Variants in ZC3H3 observed in about 807,000 individuals in gnomAD.
The protein encoded by ZC3H3 is zinc finger CCCH domain-containing protein 3.
In ZC3H3, 36 loss-of-function variants were observed where a neutral mutation model predicts 77.3. The observed-to-expected ratio is 0.47, with a 90% CI of 0.36 to 0.61. The LOEUF (loss-of-function observed/expected upper bound fraction) is 0.61, where lower values mean the gene tolerates loss of function less well. Ranked by LOEUF, ZC3H3 falls within the 20% of genes least tolerant of loss-of-function variation. The probability of loss-of-function intolerance (pLI) is 0.00; values close to 1 mark genes in which losing one functional copy is unlikely to be tolerated. For synonymous variants in ZC3H3, 626 were observed against 555.2 expected (o/e 1.13, Z -1.79); for missense variants, 1,331 against 1,312.2 (o/e 1.01, Z -0.22).
intron 3 of ZC3H3, among the ~76,000 whole-genome samples, chr8:143,516,914 G>A (rs1308062672): frequency 6.6e-6 from 1 of 152,238 alleles, no homozygotes; most frequent in African/African-American, 2.4e-5. Flanking sequence ...GCAGTCTGAG[G>A]AGTTTGGGCA....
At chr8:143,500,940 G>A (rs1266952177) in intron 4 of ZC3H3, among the ~76,000 whole-genome samples, 1 of 148,316 alleles carries the variant, frequency 6.7e-6, no homozygotes, top group Non-Finnish European at 1.5e-5. Context: ...AGCCTCCCAA[G>A]TAACTGAGAT....
chr8:143,477,539 G>A (rs1305794044), intron 4 of ZC3H3, among the ~76,000 whole-genome samples: 5 of 152,322 alleles, frequency 3.3e-5, no homozygotes, highest in Admixed American at 2.0e-4. Context: ...GGTGCCTGCA[G>A]GCCCAGCAGG....
chr8:143,500,048 A>G (rs684925), intron 4 of ZC3H3, among the ~76,000 whole-genome samples: 4,211 of 152,028 alleles, frequency 0.028, 179 homozygotes, highest in African/African-American at 0.096. Context: ...CCTCTCTGCA[A>G]ACACTCCAAA....
At chr8:143,465,927 C>T (rs1030945106) in intron 8 of ZC3H3, 79 bp from the exon 9 acceptor site, 18 of 1,506,712 alleles carry the variant, frequency 1.2e-5, no homozygotes, top group Admixed American at 4.2e-5. Context: ...GACCCTCCTA[C>T]GGCCCCGCCC....
chr8:143,538,768 C>T lies in ZC3H3; in HGVS notation c.599G>A (p.Arg200Lys), dbSNP rs1822900260. 6.2e-7 allele frequency: 1 copy of T among 1,611,876 alleles called. No homozygotes were observed. Among genetic ancestry groups the T allele is most frequent in the Non-Finnish European group, 8.5e-7 (1 of 1,179,848 alleles). The change falls in exon 2 of 12, where the codon AGG (arginine) becomes AAG (lysine). Residue 200 changes from arginine (R) to lysine (K), a missense_variant. Arg to Lys is a conservative substitution (Grantham distance 26). Around this residue, in one of 3 missense-constraint regions of ZC3H3, gnomAD observed 978 missense variants for 915.5 expected, o/e 1.07. Transcript: ENST00000262577. The part of the protein sequence containing the change: ...LVCQKEPGKP[R>K]MVKSVGSVGD... The stretch of plus-strand genomic sequence containing the variant: ...CACACTGCCCACTGACTTCACCATC[C>T]TGGGCTTACCAGGCTCCTTCTGGCA...
chr8:143,527,387 A>G (rs10103541), intron 3 of ZC3H3, among the ~76,000 whole-genome samples: 77,668 of 151,936 alleles, frequency 0.51, 20,115 homozygotes, highest in East Asian at 0.68. Flanking sequence ...CTACGGTGGT[A>G]TGAGTTCTGG....
chr8:143,471,910 G>A (rs565909940), intron 5 of ZC3H3, among the ~76,000 whole-genome samples: 8 of 152,352 alleles, frequency 5.3e-5, no homozygotes, highest in South Asian at 4.1e-4. Flanking sequence ...TCCTCATGGC[G>A]AGGCGGGGCC....
At chr8:143,455,760 G>A (rs771748708) in intron 9 of ZC3H3, among the ~76,000 whole-genome samples, 2 of 151,880 alleles carry the variant, frequency 1.3e-5, no homozygotes, top group Non-Finnish European at 2.9e-5. Flanking sequence ...ATCATTTGAG[G>A]TCAGGAGTTC....
At chr8:143,472,325 G>A (rs1261218498) in intron 5 of ZC3H3, among the ~76,000 whole-genome samples, 6 of 152,254 alleles carry the variant, frequency 3.9e-5, no homozygotes, top group South Asian at 2.1e-4. Context: ...AAGGGTGGCC[G>A]GGATAGACTG....
At chr8:143,489,885 G>C (rs1402353652) in intron 4 of ZC3H3, among the ~76,000 whole-genome samples, 1 of 152,116 alleles carries the variant, frequency 6.6e-6, no homozygotes, top group East Asian at 1.9e-4. Context: ...GGGGCAGCGG[G>C]ACCCTTGCTG....
intron 4 of ZC3H3, among the ~76,000 whole-genome samples, chr8:143,495,480 G>A (rs1821321269): frequency 6.6e-6 from 1 of 152,244 alleles, no homozygotes; most frequent in Non-Finnish European, 1.5e-5. Flanking sequence ...AGCTGGGGCT[G>A]CCTCTGGGGA....
At chr8:143,444,043 C>T (rs1019515180) in intron 9 of ZC3H3, among the ~76,000 whole-genome samples, 18 of 150,630 alleles carry the variant, frequency 1.2e-4, no homozygotes, top group Non-Finnish European at 2.2e-4. Flanking sequence ...GGCACGATCT[C>T]GGCTCACTGC....
At chr8:143,444,366 C>A (rs1040933027) in intron 9 of ZC3H3, among the ~76,000 whole-genome samples, 2 of 152,136 alleles carry the variant, frequency 1.3e-5, no homozygotes, top group African/African-American at 4.8e-5. Context: ...CACTACTCAG[C>A]TTATGGGGCC....
At chr8:143,441,153 G>A (rs2294114) in intron 9 of ZC3H3, 33 bp from the exon 10 acceptor site, 871,633 of 1,371,806 alleles carry the variant, frequency 0.64, 279,026 homozygotes, top group African/African-American at 0.66. Flanking sequence ...TGGGTGGGCC[G>A]GCTGGAGGCT....
At chr8:143,515,821 T>C (rs1044061020) in intron 3 of ZC3H3, among the ~76,000 whole-genome samples, 1 of 152,214 alleles carries the variant, frequency 6.6e-6, no homozygotes, top group South Asian at 2.1e-4. Flanking sequence ...TTGGAAGGGA[T>C]GGAGACTGGA....
chr8:143,524,665 C>T (rs749523476), intron 3 of ZC3H3, among the ~76,000 whole-genome samples: 3 of 152,270 alleles, frequency 2.0e-5, no homozygotes, highest in Admixed American at 2.0e-4. Flanking sequence ...ACACCTGACA[C>T]CTGCACTGGG....
chr8:143,461,306 C>G (rs920287481), intron 9 of ZC3H3, among the ~76,000 whole-genome samples: 4 of 152,156 alleles, frequency 2.6e-5, no homozygotes, highest in Non-Finnish European at 5.9e-5. Flanking sequence ...CCCAGGGATA[C>G]GGCACGCCAC....
intron 4 of ZC3H3, among the ~76,000 whole-genome samples, chr8:143,484,342 C>T (rs1041621990): frequency 1.3e-5 from 2 of 152,226 alleles, no homozygotes; most frequent in Admixed American, 6.5e-5. Flanking sequence ...ACTAATGACA[C>T]TGCCTCCGTT....
At position 143,538,723 on chromosome 8, in the gene ZC3H3, G is replaced by T. The variant is rs569848727; in HGVS notation, c.644C>A (p.Pro215His). Reference protein sequence around the residue: ...VGSVGDSPREPRRTVSESVIA... With the variant: ...VGSVGDSPREHRRTVSESVIA... ...CACACTCTCACTGACTGTCCGGCGG[G>T]GCTCCCGGGGGCTGTCGCCCACACT... The change falls in exon 2 of 12, where the codon CCC becomes CAC. Residue 215 changes from proline (P) to histidine (H), a missense_variant. Pro to His is a moderately conservative substitution (Grantham distance 77, BLOSUM62 -2). Around this residue, in one of 3 missense-constraint regions of ZC3H3, gnomAD observed 978 missense variants for 915.5 expected, o/e 1.07. Coordinates refer to ENST00000262577, the MANE Select transcript of ZC3H3 (RefSeq NM_015117.3). 6.2e-7 allele frequency: 1 copy of T among 1,609,336 alleles called. No individual in the cohort carries two copies. The highest frequency in any genetic ancestry group is 2.2e-5 in the East Asian group (1 of 44,876).
Sources: gnomAD v4.1 joint callset for allele counts (sites outside exome capture counted in the v4.1 genomes callset) on GRCh38, gnomAD v4.1.1 for gene constraint, gnomAD v4.1.1 regional missense constraint, MANE v1.5 for transcripts, NCBI Gene and HGNC (gene_info 2026-07-23, HGNC 2026-07-21) for gene names.